Variants in SREK1 observed in about 807,000 individuals in gnomAD.
The protein encoded by SREK1 is splicing regulatory glutamic acid and lysine rich protein 1.
Under a neutral mutation model 66.5 loss-of-function variants are expected in SREK1, and 13 were observed. That is an observed-to-expected ratio of 0.20 (90% CI 0.13 to 0.31). The LOEUF is 0.31. Among genes scored for constraint, SREK1 ranks in the 10% least tolerant of loss-of-function variants. SREK1 has a pLI of 1.00. For missense variants in SREK1, 607 were observed against 769.6 expected (o/e 0.79, Z 2.50); for synonymous variants, 265 against 263.5 (o/e 1.01, Z -0.05).
At chr5:66,163,638 A>C (rs766052436) in intron 5 of SREK1, 154 bp from the exon 6 acceptor site, 2 of 650,134 alleles carry the variant, frequency 3.1e-6, no homozygotes, top group Non-Finnish European at 4.7e-6. Context: ...GAGATTAATC[A>C]TGGTTTTGAG....
chr5:66,163,977 A>T (rs1419100654), intron 6 of SREK1, 55 bp downstream of exon 6: 1 of 1,544,584 alleles, frequency 6.5e-7, no homozygotes, highest in African/African-American at 1.4e-5. Context: ...AGACTCTTAG[A>T]ACTGGAAGGA....
At chr5:66,174,349 A>C (rs1020975066) in intron 9 of SREK1, among the ~76,000 whole-genome samples, 2 of 149,820 alleles carry the variant, frequency 1.3e-5, no homozygotes, top group African/African-American at 2.6e-5. Context: ...TTGTACACTA[A>C]ATTTTAAATT....
chr5:66,170,169 C>A lies in SREK1; in HGVS notation c.1120C>A (p.Arg374=), dbSNP rs185065344. ...GAAGTCAAGGAGTCGTTCGCATTCA[C>A]GGTGAGTTTTAGAGAAATTAACAAT... is the stretch of plus-strand genomic sequence containing the variant. The part of the protein sequence containing the change: ...RRKSRSRSHS[R]DKRKDTREKI... Residue 374 remains arginine (R), a splice_region_variant and synonymous_variant, in exon 8 of 12, where the codon CGG becomes AGG. Transcript: ENST00000334121. The A allele has an allele frequency of 2.1e-5, 33 of 1,608,562 alleles. No individual in the cohort carries two copies. In the African/African-American group the frequency reaches 4.2e-4, roughly 20 times the overall value.
chr5:66,164,058 T>A, intron 6 of SREK1, 136 bp downstream of exon 6: 1 of 1,061,594 alleles, frequency 9.4e-7, no homozygotes, highest in Non-Finnish European at 1.3e-6. Flanking sequence ...AAATAGTAAG[T>A]AGCATACTCA....
At position 66,151,834 on chromosome 5, in the gene SREK1, C is replaced by CTTTTT. The variant is rs60920757; in HGVS notation, c.162-1604_162-1600dup. ...TGAGTTGGATGCTAAGAGGTACATC[C>CTTTTT]TTTTTTTTTTTTTTTTTTTTTTTTT... On this transcript the variant is annotated intron_variant, in intron 1 of 11. Coordinates refer to ENST00000334121, the MANE Select transcript of SREK1 (RefSeq NM_001077199.3). Among the ~76,000 whole-genome samples the CTTTTT allele has an allele frequency of 5.8e-4, 49 of 84,784 alleles. 8 individuals are homozygous for CTTTTT. The highest frequency in any genetic ancestry group is 1.4e-3 in the African/African-American group (34 of 23,676). 55.6% of individuals were successfully genotyped at this position (84,784 alleles called of 152,430 possible). A position where few individuals can be genotyped will look rare whatever the true frequency, so the allele number is the denominator to read the frequency against.
Position 66,175,024 on chromosome 5 carries a change from A to T in SREK1, c.1563A>T (p.Arg521Ser), listed in dbSNP as rs2112100304. 1 of 1,612,162 alleles carries T rather than the reference A, an allele frequency of 6.2e-7. No individual in the cohort carries two copies. Among genetic ancestry groups the T allele is most frequent in the Non-Finnish European group, 8.5e-7 (1 of 1,178,962 alleles). Residue 521 changes from arginine to serine, a missense_variant, in exon 10 of 12, where the codon AGA becomes AGT. Around this residue, in one of 5 missense-constraint regions of SREK1, gnomAD observed 318 missense variants for 310.3 expected, o/e 1.02. Transcript: ENST00000334121. ...AAACCATAAAAAGGAAATCTTCTAG[A>T]TCTCCGTCCCCCAGGAGGTAGGTTG... ...TSKTIKRKSS[R>S]SPSPRSRNKK... is the part of the protein sequence containing the mutation.
chr5:66,179,900 T>A lies in SREK1; in HGVS notation c.*1032T>A, dbSNP rs1225694879. 1 of 152,572 alleles carries A rather than the reference T, an allele frequency of 6.6e-6. No homozygotes were observed. The highest frequency in any genetic ancestry group is 1.5e-5 in the Non-Finnish European group (1 of 67,988). The allele number at this position is 152,572 out of a possible 1,614,324, so 9.5% of individuals were successfully genotyped here. A position where few individuals can be genotyped will look rare whatever the true frequency, so the allele number is the denominator to read the frequency against. The stretch of plus-strand genomic sequence containing the variant: ...TATGTCAGAAGAGCTTCTTACTGAT[T>A]TCACCTAAAATGAGAAGGAAGTCCT... On this transcript the variant is annotated 3_prime_UTR_variant, in exon 12 of 12. Transcript: ENST00000334121.
chr5:66,174,859 AT>A (rs1186673138), intron 9 of SREK1, 86 bp from the exon 10 acceptor site: 2 of 1,228,740 alleles, frequency 1.6e-6, no homozygotes, highest in African/African-American at 3.0e-5. Context: ...TCATATGAGA[AT>A]ATCAAGGACC....
At position 66,179,196 on chromosome 5, in the gene SREK1, C is replaced by A. The variant is rs760760211; in HGVS notation, c.*328C>A. ...CATCAAAGATCCAAGTTTGTACTATCCCTAAAGACTGGAGATAAGCATTGG... is the reference window on the plus strand; with the variant it reads ...CATCAAAGATCCAAGTTTGTACTATACCTAAAGACTGGAGATAAGCATTGG... On this transcript the variant is annotated 3_prime_UTR_variant, in exon 12 of 12. Coordinates refer to ENST00000334121, the MANE Select transcript of SREK1 (RefSeq NM_001077199.3). The A allele has an allele frequency of 4.5e-4, 78 of 174,322 alleles. No individual in the cohort carries two copies. Among genetic ancestry groups the A allele is most frequent in the Non-Finnish European group, 9.0e-4 (74 of 82,304 alleles). The allele number at this position is 174,322 out of a possible 1,614,324, so 10.8% of individuals were successfully genotyped here.
At chr5:66,175,813 A>AT (rs1746011509) in intron 10 of SREK1, among the ~76,000 whole-genome samples, 1 of 151,824 alleles carries the variant, frequency 6.6e-6, no homozygotes, top group Admixed American at 6.6e-5. Context: ...TTCCTTTTCT[A>AT]TTTCCAAGAA....
chr5:66,171,931 A>T (rs1252936597), intron 9 of SREK1, among the ~76,000 whole-genome samples: 1 of 152,224 alleles, frequency 6.6e-6, no homozygotes, highest in African/African-American at 2.4e-5. Context: ...GAGGAAGCTG[A>T]CGCTCTGTAT....
Position 66,154,851 on chromosome 5 carries a change from A to C in SREK1, c.295+1255A>C, listed in dbSNP as rs192718528. On this transcript the variant is annotated intron_variant, in intron 2 of 11. Coordinates refer to ENST00000334121, the MANE Select transcript of SREK1 (RefSeq NM_001077199.3). ...ATCTGTAAGGCTACAGTAAGCCCCAAATTGGTGAGGTGGGAAAGGAGCTGG... is the reference window on the plus strand; with the variant it reads ...ATCTGTAAGGCTACAGTAAGCCCCACATTGGTGAGGTGGGAAAGGAGCTGG... 8.7e-4 allele frequency among the ~76,000 whole-genome samples: 132 copies of C among 152,268 alleles called. 2 individuals carry two copies. The highest frequency in any genetic ancestry group is 3.2e-3 in the African/African-American group (131 of 41,564).
At chr5:66,153,003 A>G (rs578155020) in intron 1 of SREK1, among the ~76,000 whole-genome samples, 11 of 152,338 alleles carry the variant, frequency 7.2e-5, no homozygotes, top group Non-Finnish European at 1.5e-4. Flanking sequence ...TTTAAATTCC[A>G]TACTACCTGA....
intron 6 of SREK1, chr5:66,164,328 T>G: frequency 3.5e-6 from 1 of 282,868 alleles, no homozygotes. Context: ...ATACAGATAC[T>G]GTATTTTAGT....
chr5:66,161,966 C>CAT, intron 3 of SREK1, 143 bp from the exon 4 acceptor site: 1 of 807,694 alleles, frequency 1.2e-6, no homozygotes, highest in Admixed American at 3.2e-5. Context: ...ATAACTCAGA[C>CAT]ATATATATGA....
Position 66,179,488 on chromosome 5 carries a change from A to G in SREK1, c.*620A>G, listed in dbSNP as rs1353275727. Reference sequence around the variant, plus strand: ...AGATTAAAATTGCTTAAATAAGTGGATTAAAAAACTGACAATGCATGCTAC... The same window carrying G: ...AGATTAAAATTGCTTAAATAAGTGGGTTAAAAAACTGACAATGCATGCTAC... On this transcript the variant is annotated 3_prime_UTR_variant, in exon 12 of 12. Coordinates refer to ENST00000334121, the MANE Select transcript of SREK1 (RefSeq NM_001077199.3). 2 of 152,534 alleles carry G rather than the reference A, an allele frequency of 1.3e-5. No individual in the cohort carries two copies. The highest frequency in any genetic ancestry group is 2.9e-5 in the Non-Finnish European group (2 of 67,970). 9.4% of individuals were successfully genotyped at this position (152,534 alleles called of 1,614,324 possible). A position where few individuals can be genotyped will look rare whatever the true frequency, so the allele number is the denominator to read the frequency against.
intron 2 of SREK1, chr5:66,157,276 C>T (rs750160864): frequency 1.0e-6 from 1 of 985,070 alleles, no homozygotes. Context: ...CTTCATAATA[C>T]TAAGTAGTCA....
chr5:66,144,754 A>G, intron 1 of SREK1: 3 of 1,259,330 alleles, frequency 2.4e-6, no homozygotes, highest in Non-Finnish European at 3.1e-6. Context: ...GCCCTTACCA[A>G]GGATTTAGAA....
At chr5:66,152,527 G>GTA (rs1743933464) in intron 1 of SREK1, among the ~76,000 whole-genome samples, 1 of 152,042 alleles carries the variant, frequency 6.6e-6, no homozygotes, top group African/African-American at 2.4e-5. Flanking sequence ...TTCTGGAATT[G>GTA]TAGTCAGTTT....
Sources: allele counts gnomAD v4.1 joint callset (sites outside exome capture counted in the v4.1 genomes callset), GRCh38; gene constraint gnomAD v4.1.1; regional missense constraint gnomAD v4.1.1; transcripts MANE v1.5; gene names NCBI Gene and HGNC (gene_info 2026-07-23, HGNC 2026-07-21).